LMO2: variants seen among roughly 807,000 people sequenced by gnomAD.
LMO2 encodes the protein LIM domain only 2.
Under a neutral mutation model 23.2 loss-of-function variants are expected in LMO2, and 20 were observed. That is an observed-to-expected ratio of 0.86 (90% CI 0.61 to 1.25). The LOEUF is 1.25. Ranked by LOEUF, LMO2 falls within the 50% of genes most tolerant of loss-of-function variation. The pLI is 0.00. For synonymous variants in LMO2, 123 were observed against 130.2 expected (o/e 0.94, Z 0.38); for missense variants, 270 against 315.3 (o/e 0.86, Z 1.09).
Position 33,864,750 on chromosome 11 carries a change from T to G in LMO2, c.316A>C (p.Ile106Leu). ...LLTCGGCQQN[I>L]GDRYFLKAID... Reference sequence around the variant, plus strand: ...GCCTTCAGGAAGTAGCGGTCCCCAATGTTCTGCTGGCAGCCGCCGCATGTC... The same window carrying G: ...GCCTTCAGGAAGTAGCGGTCCCCAAGGTTCTGCTGGCAGCCGCCGCATGTC... The change falls in exon 5 of 6, where the codon ATT becomes CTT. Residue 106 changes from isoleucine (I) to leucine (L), a missense_variant. By Grantham distance (5) the Ile-to-Leu change is conservative. Coordinates refer to ENST00000257818, the MANE Select transcript of LMO2 (RefSeq NM_005574.4). The surrounding 1 kb of genome is among the most constrained non-coding windows in gnomAD (Gnocchi z 4.8). The G allele has an allele frequency of 6.2e-7, 1 of 1,613,966 alleles. No homozygotes were observed.
rs370254774 is a variant in LMO2 at position 33,859,065 on chromosome 11, G to T, written c.*291C>A. 3 of 417,510 alleles carry T rather than the reference G, an allele frequency of 7.2e-6. No homozygotes were observed. The highest frequency in any genetic ancestry group is 1.3e-5 in the Non-Finnish European group (3 of 226,686). The allele number at this position is 417,510 out of a possible 1,614,324, so 25.9% of individuals were successfully genotyped here. On this transcript the variant is annotated 3_prime_UTR_variant, in exon 6 of 6. Transcript: ENST00000257818. ...TGAAATTCCATCATGATAGCACAGC[G>T]CCTGCTTGCCCCTAAATGTTCCTTT...
chr11:33,879,329 G>C (rs1463842821), intron 2 of LMO2, among the ~76,000 whole-genome samples: 5 of 151,974 alleles, frequency 3.3e-5, no homozygotes, highest in Non-Finnish European at 5.9e-5. Flanking sequence ...TTAAGATCTA[G>C]AACATATAGG....
Position 33,859,057 on chromosome 11 carries a change from A to G in LMO2, c.*299T>C. ...TGTAGATATGAAATTCCATCATGAT[A>G]GCACAGCGCCTGCTTGCCCCTAAAT... On this transcript the variant is annotated 3_prime_UTR_variant, in exon 6 of 6. Transcript: ENST00000257818. 2.5e-6 allele frequency: 1 copy of G among 407,192 alleles called. No homozygotes were observed. Among genetic ancestry groups the G allele is most frequent in the Non-Finnish European group, 4.5e-6 (1 of 220,918 alleles). 25.2% of individuals were successfully genotyped at this position (407,192 alleles called of 1,614,324 possible).
chr11:33,872,751 G>A (rs991490480), intron 2 of LMO2, among the ~76,000 whole-genome samples: 3 of 151,546 alleles, frequency 2.0e-5, no homozygotes, highest in Non-Finnish European at 4.4e-5. Flanking sequence ...ATCTGCTTGG[G>A]TGTTATTTGT....
chr11:33,877,451 T>C (rs1356954385), intron 2 of LMO2, among the ~76,000 whole-genome samples: 2 of 143,690 alleles, frequency 1.4e-5, no homozygotes, highest in African/African-American at 5.2e-5. Context: ...CTACAAGCTG[T>C]CTCCAGATTC....
chr11:33,867,079 T>A (rs1340102463), intron 4 of LMO2, among the ~76,000 whole-genome samples: 1 of 152,158 alleles, frequency 6.6e-6, no homozygotes, highest in Non-Finnish European at 1.5e-5. Context: ...AAGAAGAGAA[T>A]TTGCCCTTAG....
chr11:33,867,614 G>A (rs1340646937), intron 4 of LMO2, among the ~76,000 whole-genome samples: 2 of 152,180 alleles, frequency 1.3e-5, no homozygotes, highest in African/African-American at 4.8e-5. Context: ...AGAATGTGCT[G>A]CAGCAATTTC....
intron 2 of LMO2, among the ~76,000 whole-genome samples, chr11:33,872,824 G>C (rs1173403583): frequency 6.6e-6 from 1 of 152,100 alleles, no homozygotes; most frequent in Non-Finnish European, 1.5e-5. Context: ...GCAATGGTGC[G>C]ATCTCAGCTC....
chr11:33,859,492 A>G lies in LMO2; in HGVS notation c.548T>C (p.Val183Ala). Residue 183 changes from valine to alanine, a missense_variant, in exon 6 of 6, where the codon GTG (valine) becomes GCG (alanine). Val to Ala is a moderately conservative substitution (Grantham distance 64, BLOSUM62 0). Coordinates refer to ENST00000257818, the MANE Select transcript of LMO2 (RefSeq NM_005574.4). The stretch of plus-strand genomic sequence containing the variant: ...GCATTTGAAACATTCCAGGTGATAC[A>G]CTTTGTCTTTCACCCGCATTGTCAT... ...YEMTMRVKDK[V>A]YHLECFKCAA... 1 of 1,614,078 alleles carries G rather than the reference A, an allele frequency of 6.2e-7. No individual in the cohort carries two copies. The highest frequency in any genetic ancestry group is 8.5e-7 in the Non-Finnish European group (1 of 1,180,008).
intron 1 of LMO2, among the ~76,000 whole-genome samples, chr11:33,889,421 C>T (rs924950343): frequency 2.0e-5 from 3 of 152,164 alleles, no homozygotes; most frequent in Admixed American, 1.3e-4. Flanking sequence ...TCAACAGAAT[C>T]GCTGAGCAGT....
intron 2 of LMO2, chr11:33,870,583 A>C: frequency 1.0e-6 from 1 of 985,582 alleles, no homozygotes; most frequent in Non-Finnish European, 1.2e-6. Context: ...GAGCAGAGCC[A>C]GGGCAGCTAA....
At chr11:33,865,571 C>T (rs367818311) in intron 4 of LMO2, among the ~76,000 whole-genome samples, 6 of 152,216 alleles carry the variant, frequency 3.9e-5, no homozygotes, top group East Asian at 1.9e-4. Flanking sequence ...CCTTTCTTTC[C>T]TTACCTGAAC....
At chr11:33,861,485 ATC>A (rs1179542901) in intron 5 of LMO2, among the ~76,000 whole-genome samples, 2 of 152,142 alleles carry the variant, frequency 1.3e-5, no homozygotes, top group African/African-American at 4.8e-5. Context: ...CCATTTGAAG[ATC>A]TCTGAGTGTT....
chr11:33,868,489 A>T (rs1172150104), intron 4 of LMO2, among the ~76,000 whole-genome samples: 1 of 152,196 alleles, frequency 6.6e-6, no homozygotes, highest in African/African-American at 2.4e-5. Context: ...CAGGAAAATG[A>T]TATCTTAAAC....
At chr11:33,891,528 C>T (rs1208278532) in intron 1 of LMO2, among the ~76,000 whole-genome samples, 1 of 152,122 alleles carries the variant, frequency 6.6e-6, no homozygotes, top group Non-Finnish European at 1.5e-5. Flanking sequence ...TTCCCGAAGA[C>T]ATTAGCAACC....
chr11:33,880,215 C>T lies in LMO2; in HGVS notation c.-272+1609G>A, dbSNP rs1041426934. Among the ~76,000 whole-genome samples the T allele has an allele frequency of 6.9e-6, 1 of 144,704 alleles. No homozygotes were observed. The highest frequency in any genetic ancestry group is 2.6e-5 in the African/African-American group (1 of 38,602). The allele number at this position is 144,704 out of a possible 152,430, so 94.9% of individuals were successfully genotyped here. A position where few individuals can be genotyped will look rare whatever the true frequency, so the allele number is the denominator to read the frequency against. On this transcript the variant is annotated intron_variant, in intron 2 of 5. Transcript: ENST00000257818. This position sits in a 1 kb window ranked among gnomAD's most constrained non-coding sequence, Gnocchi z 4.3. ...TCATATATACACATGATATATATAT[C>T]ATATATACACATGATATATATATCA...
chr11:33,859,425 G>GAGGTCC lies in LMO2; in HGVS notation c.614_615insGGACCT (p.Leu205_Leu206insAspLeu). ...CGCACACTATGTCAGAGTTGATGAG[G>GAGGTCC]AGGTATCTGTCACCTACACAGAAAT... On this transcript the variant is annotated inframe_insertion, in exon 6 of 6. Transcript: ENST00000257818. 6.2e-7 allele frequency: 1 copy of GAGGTCC among 1,614,140 alleles called. No individual in the cohort carries two copies.
chr11:33,891,550 C>G (rs1399108236), intron 1 of LMO2, among the ~76,000 whole-genome samples: 1 of 152,158 alleles, frequency 6.6e-6, no homozygotes, highest in Admixed American at 6.5e-5. Context: ...GCGGCTCACA[C>G]AGCAAGCGCC....
At chr11:33,881,249 T>A (rs1857275823) in intron 2 of LMO2, 1 of 457,074 alleles carries the variant, frequency 2.2e-6, no homozygotes, top group African/African-American at 2.0e-5. Flanking sequence ...TCCCATCACA[T>A]TGCAGAAGGC....
Sources: gnomAD v4.1 joint callset for allele counts (sites outside exome capture counted in the v4.1 genomes callset) on GRCh38, gnomAD v4.1.1 for gene constraint, Gnocchi (gnomAD v3.1) non-coding constraint, MANE v1.5 for transcripts, NCBI Gene and HGNC (gene_info 2026-07-23, HGNC 2026-07-21) for gene names.